The following KIAA2013 variants were observed in gnomAD, a reference collection of about 807,000 sequenced individuals.
KIAA2013 encodes the protein KIAA2013, also known as uncharacterized protein KIAA2013.
KIAA2013 carries 20 observed loss-of-function variants against 39.9 expected under a neutral mutation model. The ratio of observed to expected loss-of-function variants is 0.50; its 90% CI spans 0.35 to 0.73. KIAA2013 has a LOEUF of 0.73. KIAA2013 is among the 30% of genes least tolerant of loss of function. The pLI is 0.01. For synonymous variants in KIAA2013, 336 were observed against 416.6 expected (o/e 0.81, Z 2.35); for missense variants, 587 against 856.1 (o/e 0.69, Z 3.92).
Position 11,925,254 on chromosome 1 carries a change from C to T in KIAA2013, c.984G>A (p.Ala328=), listed in dbSNP as rs142625051. 127 of 1,608,088 alleles carry T rather than the reference C, an allele frequency of 7.9e-5. No individual in the cohort carries two copies. The highest frequency in any genetic ancestry group is 3.9e-4 in the African/African-American group (29 of 74,800). The change falls in exon 1 of 3, where the codon GCG becomes GCA. Residue 328 remains alanine, a synonymous_variant. Coordinates refer to ENST00000376572, the MANE Select transcript of KIAA2013 (RefSeq NM_138346.3). This position sits in a 1 kb window ranked among gnomAD's most constrained non-coding sequence, Gnocchi z 5.2. ...GGAGCTGGTGGTCTTGAAGCAGCTC[C>T]GCCGCTGGCATGTCCAAGAGCTCCA... ...EMLELLDMPA[A]ELLQDHQLLW...
In KIAA2013 at chr1:11,925,791, C is replaced by T. The variant is rs775299973; in HGVS notation, c.447G>A (p.Leu149=). 25 of 1,544,892 alleles carry T rather than the reference C, an allele frequency of 1.6e-5. No homozygotes were observed. Among genetic ancestry groups the T allele is most frequent in the Middle Eastern group, 2.3e-4 (1 of 4,346 alleles). ...EAVLLLREGL[L]RRVRCLQLGS... Reference sequence around the variant, plus strand: ...CCAGCTGCAGGCAACGCACGCGGCGCAGAAGCCCCTCCCGCAGCAGCAGCA... The same window carrying T: ...CCAGCTGCAGGCAACGCACGCGGCGTAGAAGCCCCTCCCGCAGCAGCAGCA... The change falls in exon 1 of 3, where the codon CTG becomes CTA. Residue 149 remains leucine, a synonymous_variant. Coordinates refer to ENST00000376572, the MANE Select transcript of KIAA2013 (RefSeq NM_138346.3). This position sits in a 1 kb window ranked among gnomAD's most constrained non-coding sequence, Gnocchi z 5.2.
In KIAA2013 at chr1:11,920,204, A is replaced by G. The variant is rs1240198833; in HGVS notation, c.*111T>C. ...ACTTCTGCGTCACCGGTTTCCCCCAACAAGGCACAAAGGGCGGGTGCTTCC... is the reference window on the plus strand; with the variant it reads ...ACTTCTGCGTCACCGGTTTCCCCCAGCAAGGCACAAAGGGCGGGTGCTTCC... On this transcript the variant is annotated 3_prime_UTR_variant, in exon 3 of 3. Coordinates refer to ENST00000376572, the MANE Select transcript of KIAA2013 (RefSeq NM_138346.3). The G allele has an allele frequency of 1.2e-5, 14 of 1,186,884 alleles. No individual in the cohort carries two copies. The East Asian group carries it at 3.0e-4, about 26-fold the overall frequency. The allele number at this position is 1,186,884 out of a possible 1,614,324, so 73.5% of individuals were successfully genotyped here. A position where few individuals can be genotyped will look rare whatever the true frequency, so the allele number is the denominator to read the frequency against.
At position 11,926,331 on chromosome 1, in the gene KIAA2013, G is replaced by A. The variant is rs1369448660; in HGVS notation, c.-94C>T. 2 of 541,630 alleles carry A rather than the reference G, an allele frequency of 3.7e-6. No homozygotes were observed. The highest frequency in any genetic ancestry group is 4.7e-6 in the Non-Finnish European group (2 of 425,216). The allele number at this position is 541,630 out of a possible 1,614,324, so 33.6% of individuals were successfully genotyped here. A position where few individuals can be genotyped will look rare whatever the true frequency, so the allele number is the denominator to read the frequency against. On this transcript the variant is annotated 5_prime_UTR_variant, in exon 1 of 3. Transcript: ENST00000376572. ...CCGCCCGCGCCTCACTGCCCGGCCC[G>A]GACCGCGGCGCCCACCCCGGCCCCC...
chr1:11,920,344 A>G lies in KIAA2013; in HGVS notation c.1888-12T>C, dbSNP rs1235356204. On this transcript the variant is annotated splice_polypyrimidine_tract_variant and intron_variant, in intron 2 of 2. Transcript: ENST00000376572. ...ACACTGGGATCTTCCTGTTCAATTC[A>G]CAAAACAAGTGTGATTACTGTTCAC... 6.2e-7 allele frequency: 1 copy of G among 1,614,012 alleles called. No individual in the cohort carries two copies. Among genetic ancestry groups the G allele is most frequent in the Admixed American group, 1.7e-5 (1 of 60,004 alleles).
chr1:11,925,222 G>A lies in KIAA2013; in HGVS notation c.1016C>T (p.Ala339Val), dbSNP rs770570625. ...ELLQDHQLLWAQLFSPGVEMK... is the reference protein window; with the variant it reads ...ELLQDHQLLWVQLFSPGVEMK... ...GGACTCACCTGGGCTGAAGAGCTGAGCCCAGAGGAGCTGGTGGTCTTGAAG... is the reference window on the plus strand; with the variant it reads ...GGACTCACCTGGGCTGAAGAGCTGAACCCAGAGGAGCTGGTGGTCTTGAAG... The change falls in exon 1 of 3, where the codon GCT becomes GTT. Residue 339 changes from alanine to valine, a missense_variant. Coordinates refer to ENST00000376572, the MANE Select transcript of KIAA2013 (RefSeq NM_138346.3). The surrounding 1 kb of genome is among the most constrained non-coding windows in gnomAD (Gnocchi z 5.2). 4.4e-6 allele frequency: 7 copies of A among 1,591,864 alleles called. No individual in the cohort carries two copies. The Admixed American group carries it at 1.0e-4, about 23-fold the overall frequency.
At chr1:11,920,928 A>G (rs1645470836) in intron 2 of KIAA2013, among the ~76,000 whole-genome samples, 1 of 152,110 alleles carries the variant, frequency 6.6e-6, no homozygotes, top group Non-Finnish European at 1.5e-5. Context: ...GACACTTCCC[A>G]TTTCTCCAGG....
chr1:11,921,067 G>C (rs1246477867), intron 2 of KIAA2013, among the ~76,000 whole-genome samples: 1 of 143,270 alleles, frequency 7.0e-6, no homozygotes, highest in East Asian at 2.0e-4. Context: ...GGGAGGAAGA[G>C]TAGAGGGGAG....
In KIAA2013 at chr1:11,926,129, C is replaced by T; in HGVS notation, c.109G>A (p.Gly37Arg). 1 of 1,407,282 alleles carries T rather than the reference C, an allele frequency of 7.1e-7. No individual in the cohort carries two copies. 87.2% of individuals were successfully genotyped at this position (1,407,282 alleles called of 1,614,324 possible). A position where few individuals can be genotyped will look rare whatever the true frequency, so the allele number is the denominator to read the frequency against. ...GLLLLLLWFGGSGARRAAGGL... is the reference protein window; with the variant it reads ...GLLLLLLWFGRSGARRAAGGL... ...CCCGCCGCCCGCCGCGCGCCGGACC[C>T]CCCAAACCACAGAAGCAGCAGCAGG... Residue 37 changes from glycine (G) to arginine (R), a missense_variant, in exon 1 of 3, where the codon GGG (glycine) becomes AGG (arginine). By Grantham distance (125) the Gly-to-Arg change is moderately radical (BLOSUM62 -2). Coordinates refer to ENST00000376572, the MANE Select transcript of KIAA2013 (RefSeq NM_138346.3).
At position 11,926,425 on chromosome 1, in the gene KIAA2013, G is replaced by A; in HGVS notation, c.-188C>T. 6.5e-6 allele frequency: 1 copy of A among 154,266 alleles called. No individual in the cohort carries two copies. The highest frequency in any genetic ancestry group is 1.9e-4 in the South Asian group (1 of 5,260). 9.6% of individuals were successfully genotyped at this position (154,266 alleles called of 1,614,324 possible). The stretch of plus-strand genomic sequence containing the variant: ...TCTCGGTGGCCTCCAGCCGTCAAAC[G>A]ACGCCGGCGGTCAAGCGTCGCCGTG... On this transcript the variant is annotated 5_prime_UTR_variant, in exon 1 of 3. Coordinates refer to ENST00000376572, the MANE Select transcript of KIAA2013 (RefSeq NM_138346.3).
chr1:11,922,550 C>T (rs1479757593), intron 2 of KIAA2013, 86 bp downstream of exon 2: 6 of 1,565,072 alleles, frequency 3.8e-6, no homozygotes, highest in Non-Finnish European at 3.5e-6. Flanking sequence ...AGGCCTCACC[C>T]CCCCTCGCCA....
chr1:11,920,401 G>A, intron 2 of KIAA2013, 69 bp from the exon 3 acceptor site: 1 of 1,535,812 alleles, frequency 6.5e-7, no homozygotes, highest in Non-Finnish European at 9.0e-7. Context: ...ATAGAAATAG[G>A]CTACGGAGAC....
In KIAA2013 at chr1:11,923,144, C is replaced by T; in HGVS notation, c.1379G>A (p.Gly460Glu). Residue 460 changes from glycine (G) to glutamate (E), a missense_variant, in exon 2 of 3, where the codon GGG (glycine) becomes GAG (glutamate). Gly to Glu is a moderately conservative substitution (Grantham distance 98, BLOSUM62 -2). Coordinates refer to ENST00000376572, the MANE Select transcript of KIAA2013 (RefSeq NM_138346.3). The surrounding 1 kb of genome is among the most constrained non-coding windows in gnomAD (Gnocchi z 4.6). Reference protein sequence around the residue: ...ILQGMVLSFGGLQFTENHLQF... With the variant: ...ILQGMVLSFGELQFTENHLQF... Reference sequence around the variant, plus strand: ...GAGGTGGTTCTCTGTGAACTGCAGCCCCCCAAAGCTGAGCACCATCCCCTG... The same window carrying T: ...GAGGTGGTTCTCTGTGAACTGCAGCTCCCCAAAGCTGAGCACCATCCCCTG... The T allele has an allele frequency of 1.2e-6, 2 of 1,611,252 alleles. No individual in the cohort carries two copies. Among genetic ancestry groups the T allele is most frequent in the Non-Finnish European group, 1.7e-6 (2 of 1,178,200 alleles).
At position 11,923,020 on chromosome 1, in the gene KIAA2013, G is replaced by A. The variant is rs774801021; in HGVS notation, c.1503C>T (p.Ala501=). 2.9e-5 allele frequency: 47 copies of A among 1,610,912 alleles called. No homozygotes were observed. Among genetic ancestry groups the A allele is most frequent in the Admixed American group, 6.7e-5 (4 of 59,954 alleles). The stretch of plus-strand genomic sequence containing the variant: ...ACACGTGTAGGTAGGGCTTGCCCTC[G>A]GCATCCGCCAGCACGGCCAGGTTGA... The part of the protein sequence containing the change: ...DHINLAVLAD[A]EGKPYLHVSV... The change falls in exon 2 of 3, where the codon GCC becomes GCT. Residue 501 remains alanine, a synonymous_variant. Transcript: ENST00000376572. The surrounding 1 kb of genome is among the most constrained non-coding windows in gnomAD (Gnocchi z 4.6).
chr1:11,925,358 G>C lies in KIAA2013; in HGVS notation c.880C>G (p.Pro294Ala), dbSNP rs780207120. 6.2e-7 allele frequency: 1 copy of C among 1,613,954 alleles called. No homozygotes were observed. The highest frequency in any genetic ancestry group is 1.1e-5 in the South Asian group (1 of 91,076). ...TVLWVVHVSG[P>A]INPQVLKSKA... is the part of the protein sequence containing the mutation. The stretch of plus-strand genomic sequence containing the variant: ...CTTTTGAGCACCTGGGGGTTAATGG[G>C]GCCAGAGACGTGCACCACCCACAGC... The change falls in exon 1 of 3, where the codon CCC becomes GCC. Residue 294 changes from proline (P) to alanine (A), a missense_variant. Pro to Ala is a conservative substitution (Grantham distance 27, BLOSUM62 -1). Coordinates refer to ENST00000376572, the MANE Select transcript of KIAA2013 (RefSeq NM_138346.3). This position sits in a 1 kb window ranked among gnomAD's most constrained non-coding sequence, Gnocchi z 5.2.
chr1:11,919,979 C>A lies in KIAA2013; in HGVS notation c.*336G>T. The A allele has an allele frequency of 2.6e-6, 1 of 382,608 alleles. No homozygotes were observed. 23.7% of individuals were successfully genotyped at this position (382,608 alleles called of 1,614,324 possible). A position where few individuals can be genotyped will look rare whatever the true frequency, so the allele number is the denominator to read the frequency against. The stretch of plus-strand genomic sequence containing the variant: ...AATTAGGAAAAGGACACAACTTTTC[C>A]TAGACAAGAGTCTTTTCAAAAGATG... On this transcript the variant is annotated 3_prime_UTR_variant, in exon 3 of 3. Transcript: ENST00000376572.
At position 11,923,412 on chromosome 1, in the gene KIAA2013, A is replaced by T; in HGVS notation, c.1111T>A (p.Ser371Thr). 1 of 1,612,394 alleles carries T rather than the reference A, an allele frequency of 6.2e-7. No homozygotes were observed. Among genetic ancestry groups the T allele is most frequent in the South Asian group, 1.1e-5 (1 of 91,070 alleles). ...CTGAGCAGTGGGGCTGGCGAGCAGG[A>T]GAGCATGTAATAGAGCGTCAGGTTC... ...TVNLTLYYML[S>T]CSPAPLLSPS... is the part of the protein sequence containing the mutation. Residue 371 changes from serine to threonine, a missense_variant, in exon 2 of 3, where the codon TCC becomes ACC. By Grantham distance (58) the Ser-to-Thr change is moderately conservative. Coordinates refer to ENST00000376572, the MANE Select transcript of KIAA2013 (RefSeq NM_138346.3). The surrounding 1 kb of genome is among the most constrained non-coding windows in gnomAD (Gnocchi z 4.6).
chr1:11,926,298 C>G lies in KIAA2013; in HGVS notation c.-61G>C, dbSNP rs1438629284. ...CCGCCGGGCCCGCCGCCCAGCCCAC[C>G]GGCCCGGCCGCCCGCGCCTCACTGC... On this transcript the variant is annotated 5_prime_UTR_variant, in exon 1 of 3. Coordinates refer to ENST00000376572, the MANE Select transcript of KIAA2013 (RefSeq NM_138346.3). The G allele has an allele frequency of 1.2e-6, 1 of 869,510 alleles. No homozygotes were observed. Among genetic ancestry groups the G allele is most frequent in the African/African-American group, 1.8e-5 (1 of 54,716 alleles). The allele number at this position is 869,510 out of a possible 1,614,324, so 53.9% of individuals were successfully genotyped here. A position where few individuals can be genotyped will look rare whatever the true frequency, so the allele number is the denominator to read the frequency against.
Position 11,926,013 on chromosome 1 carries a change from G to A in KIAA2013, c.225C>T (p.Gly75=). Residue 75 remains glycine, a synonymous_variant, in exon 1 of 3, where the codon GGC becomes GGT. Coordinates refer to ENST00000376572, the MANE Select transcript of KIAA2013 (RefSeq NM_138346.3). ...CLEAATRAWR[G]LRERGEVVPL... is the part of the protein sequence containing the mutation. ...GTACCACCTCACCGCGCTCCCGCAG[G>A]CCGCGCCAGGCGCGGGTGGCCGCCT... 2 of 1,504,200 alleles carry A rather than the reference G, an allele frequency of 1.3e-6. No homozygotes were observed. Among genetic ancestry groups the A allele is most frequent in the Non-Finnish European group, 1.8e-6 (2 of 1,133,362 alleles). The allele number at this position is 1,504,200 out of a possible 1,614,324, so 93.2% of individuals were successfully genotyped here.
At position 11,922,984 on chromosome 1, in the gene KIAA2013, G is replaced by C; in HGVS notation, c.1539C>G (p.Ser513=). The C allele has an allele frequency of 6.2e-7, 1 of 1,612,708 alleles. No individual in the cohort carries two copies. The highest frequency in any genetic ancestry group is 8.5e-7 in the Non-Finnish European group (1 of 1,178,898). Residue 513 remains serine, a synonymous_variant, in exon 2 of 3, where the codon TCC becomes TCG. Coordinates refer to ENST00000376572, the MANE Select transcript of KIAA2013 (RefSeq NM_138346.3). ...CATAGATCTTGACAGGCTGGCCACGGGACTCCACGGACACGTGTAGGTAGG... is the reference window on the plus strand; with the variant it reads ...CATAGATCTTGACAGGCTGGCCACGCGACTCCACGGACACGTGTAGGTAGG... ...GKPYLHVSVE[S]RGQPVKIYAC... is the part of the protein sequence containing the mutation.
Sources: allele counts gnomAD v4.1 joint callset (sites outside exome capture counted in the v4.1 genomes callset), GRCh38; gene constraint gnomAD v4.1.1; non-coding constraint Gnocchi (gnomAD v3.1); transcripts MANE v1.5; gene names NCBI Gene and HGNC (gene_info 2026-07-23, HGNC 2026-07-21).